WDR33: variants seen among roughly 807,000 people sequenced by gnomAD.
The protein encoded by WDR33 is pre-mRNA 3' end processing protein WDR33.
A neutral mutation model predicts 164.9 loss-of-function variants in WDR33; 47 were observed. That is an observed-to-expected ratio of 0.29 (90% CI 0.23 to 0.36). WDR33 has a LOEUF of 0.36. WDR33 is among the 10% of genes least tolerant of loss of function. The probability of loss-of-function intolerance (pLI) is 1.00; values close to 1 mark genes in which losing one functional copy is unlikely to be tolerated. For missense variants in WDR33, 1,137 were observed against 1,754.1 expected (o/e 0.65, Z 6.28); for synonymous variants, 505 against 589.0 (o/e 0.86, Z 2.06).
chr2:127,801,833 G>A (rs1184966815), intron 1 of WDR33, among the ~76,000 whole-genome samples: 2 of 151,876 alleles, frequency 1.3e-5, no homozygotes, highest in African/African-American at 2.4e-5. Flanking sequence ...GCAGTGAGCC[G>A]AGATCGTGCC....
In WDR33 at chr2:127,709,875, A is replaced by C; in HGVS notation, c.3309-19T>G. The C allele has an allele frequency of 6.2e-7, 1 of 1,612,292 alleles. No homozygotes were observed. Among genetic ancestry groups the C allele is most frequent in the Non-Finnish European group, 8.5e-7 (1 of 1,179,288 alleles). ...TCTGAAACTGTAAAGAGAAAACAGCAGAATGTCCATCTCAGAGAACACCTT... is the reference window on the plus strand; with the variant it reads ...TCTGAAACTGTAAAGAGAAAACAGCCGAATGTCCATCTCAGAGAACACCTT... On this transcript the variant is annotated intron_variant, in intron 18 of 21. Coordinates refer to ENST00000322313, the MANE Select transcript of WDR33 (RefSeq NM_018383.5). This position sits in a 1 kb window ranked among gnomAD's most constrained non-coding sequence, Gnocchi z 5.0.
At chr2:127,771,464 C>A (rs568731240) in intron 1 of WDR33, among the ~76,000 whole-genome samples, 21 of 152,140 alleles carry the variant, frequency 1.4e-4, no homozygotes, top group Non-Finnish European at 2.2e-4. Context: ...CCAGCATTGA[C>A]CACAATGTCA....
rs369262318 is a variant in WDR33 at position 127,765,148 on chromosome 2, T to G, written c.474+26A>C. On this transcript the variant is annotated intron_variant, in intron 5 of 21. Coordinates refer to ENST00000322313, the MANE Select transcript of WDR33 (RefSeq NM_018383.5). ...AGTTCTTTACAGTACCACAGGATGA[T>G]GATACCATCTGGTGATTATCATTAC... The G allele has an allele frequency of 1.5e-4, 238 of 1,600,648 alleles. 1 individual carries two copies. In the African/African-American group the frequency reaches 2.7e-3, roughly 18 times the overall value.
chr2:127,771,379 A>G (rs1317462859), intron 1 of WDR33, among the ~76,000 whole-genome samples: 1 of 152,252 alleles, frequency 6.6e-6, no homozygotes, highest in African/African-American at 2.4e-5. Context: ...GTCTAAACAT[A>G]GAAAAAGACA....
At position 127,702,735 on chromosome 2, in the gene WDR33, C is replaced by A. The variant is rs933816608; in HGVS notation, c.*3588G>T. 1 of 167,136 alleles carries A rather than the reference C, an allele frequency of 6.0e-6. No homozygotes were observed. The highest frequency in any genetic ancestry group is 2.4e-5 in the African/African-American group (1 of 41,536). The allele number at this position is 167,136 out of a possible 1,614,324, so 10.4% of individuals were successfully genotyped here. On this transcript the variant is annotated 3_prime_UTR_variant, in exon 22 of 22. Transcript: ENST00000322313. ...GATGGTTTATCTCGGGTTTTTTCTTCAGTTAACAAAATCATAAATATGGTG... is the reference window on the plus strand; with the variant it reads ...GATGGTTTATCTCGGGTTTTTTCTTAAGTTAACAAAATCATAAATATGGTG...
rs912999633 is a variant in WDR33 at position 127,779,407 on chromosome 2, A to G, written c.-23-8403T>C. On this transcript the variant is annotated intron_variant, in intron 1 of 21. Coordinates refer to ENST00000322313, the MANE Select transcript of WDR33 (RefSeq NM_018383.5). The stretch of plus-strand genomic sequence containing the variant: ...CTTGAAACTCAGAGGCAGAGGTTGC[A>G]GGGAGCCAAGATCACGACACTGCAC... Among the ~76,000 whole-genome samples the G allele has an allele frequency of 2.0e-4, 31 of 152,136 alleles. 1 individual carries two copies. The highest frequency in any genetic ancestry group is 3.9e-4 in the Admixed American group (6 of 15,260).
rs1685880751 is a variant in WDR33 at position 127,701,599 on chromosome 2, A to AGCCGCTGCTC, written c.*4714_*4723dup. 5 of 1,351,304 alleles carry AGCCGCTGCTC rather than the reference A, an allele frequency of 3.7e-6. No individual in the cohort carries two copies. The highest frequency in any genetic ancestry group is 3.5e-5 in the Admixed American group (1 of 28,646). 83.7% of individuals were successfully genotyped at this position (1,351,304 alleles called of 1,614,324 possible). ...AAAGCTGGCGGCCCGGCGGCCGCGG[A>AGCCGCTGCTC]GCCGCTGCTCGCCGCGGAGAAGGCG... On this transcript the variant is annotated 3_prime_UTR_variant, in exon 22 of 22. Coordinates refer to ENST00000322313, the MANE Select transcript of WDR33 (RefSeq NM_018383.5).
In WDR33 at chr2:127,702,240, C is replaced by A; in HGVS notation, c.*4083G>T. 8.5e-7 allele frequency: 1 copy of A among 1,181,890 alleles called. No individual in the cohort carries two copies. The highest frequency in any genetic ancestry group is 1.6e-5 in the African/African-American group (1 of 62,248). 73.2% of individuals were successfully genotyped at this position (1,181,890 alleles called of 1,614,324 possible). On this transcript the variant is annotated 3_prime_UTR_variant, in exon 22 of 22. Transcript: ENST00000322313. The stretch of plus-strand genomic sequence containing the variant: ...CAGCGCCGTCGGAGACCGCGCCGGC[C>A]GAGCTGAGGACTGCACGCCGCTGTG...
chr2:127,759,810 G>A (rs891838757), intron 7 of WDR33, among the ~76,000 whole-genome samples: 6 of 152,170 alleles, frequency 3.9e-5, no homozygotes, highest in Non-Finnish European at 8.8e-5. Flanking sequence ...GGAGGCCGAG[G>A]CAGGAGGATC....
At position 127,710,542 on chromosome 2, in the gene WDR33, C is replaced by T. The variant is rs1430822133; in HGVS notation, c.3309-686G>A. 1.3e-5 allele frequency among the ~76,000 whole-genome samples: 2 copies of T among 152,202 alleles called. No individual in the cohort carries two copies. Among genetic ancestry groups the T allele is most frequent in the African/African-American group, 2.4e-5 (1 of 41,438 alleles). ...CAGCATCTGGTTTACAGGCAGCGAT[C>T]CACTGGCTAGCTGGCAGTCTGGAGC... On this transcript the variant is annotated intron_variant, in intron 18 of 21. Coordinates refer to ENST00000322313, the MANE Select transcript of WDR33 (RefSeq NM_018383.5). This position sits in a 1 kb window ranked among gnomAD's most constrained non-coding sequence, Gnocchi z 4.4.
intron 1 of WDR33, among the ~76,000 whole-genome samples, chr2:127,794,642 G>A (rs1298691160): frequency 2.0e-5 from 3 of 151,570 alleles, no homozygotes; most frequent in Admixed American, 6.6e-5. Context: ...AGACCAACCC[G>A]GCCAATATGG....
intron 1 of WDR33, among the ~76,000 whole-genome samples, chr2:127,788,214 C>T (rs1688675262): frequency 7.6e-6 from 1 of 132,158 alleles, no homozygotes. Flanking sequence ...CCCCACCTCC[C>T]TCCCGGACAG....
At chr2:127,796,967 T>C (rs1689062684) in intron 1 of WDR33, among the ~76,000 whole-genome samples, 2 of 152,032 alleles carry the variant, frequency 1.3e-5, no homozygotes, top group South Asian at 4.1e-4. Context: ...ATTGCGAATT[T>C]ACCTACTTGC....
rs1363368452 is a variant in WDR33, at chr2:127,701,752, AGCGGCTGGCGGCGGGCG to A, written c.*4554_*4570del. On this transcript the variant is annotated 3_prime_UTR_variant, in exon 22 of 22. Transcript: ENST00000322313. ...TGCCTCCCGAGCGTGACGCGCGGGCAGCGGCTGGCGGCGGGCGGCGGGTGCCTGCTGCTGGCTGCACT... is the reference window on the plus strand; with the variant it reads ...TGCCTCCCGAGCGTGACGCGCGGGCAGCGGGTGCCTGCTGCTGGCTGCACT... 10 of 1,418,448 alleles carry A rather than the reference AGCGGCTGGCGGCGGGCG, an allele frequency of 7.0e-6. No homozygotes were observed. The East Asian group carries it at 2.9e-4, about 41-fold the overall frequency. The allele number at this position is 1,418,448 out of a possible 1,614,324, so 87.9% of individuals were successfully genotyped here. A position where few individuals can be genotyped will look rare whatever the true frequency, so the allele number is the denominator to read the frequency against.
chr2:127,742,879 A>C (rs1687060041), intron 7 of WDR33, among the ~76,000 whole-genome samples: 1 of 151,790 alleles, frequency 6.6e-6, no homozygotes, highest in Non-Finnish European at 1.5e-5. Flanking sequence ...AAAAACAAAA[A>C]AAAACACCCC....
rs1685911687 is a variant in WDR33, at chr2:127,702,273, C to T, written c.*4050G>A. On this transcript the variant is annotated 3_prime_UTR_variant, in exon 22 of 22. Transcript: ENST00000322313. ...GGACTGCACGCCGCTGTGCGGAAGC[C>T]CGTGGCGAAGGCCCTGCCCTAACAG... 1.8e-6 allele frequency: 2 copies of T among 1,120,870 alleles called. No individual in the cohort carries two copies. The highest frequency in any genetic ancestry group is 4.8e-5 in the Admixed American group (1 of 20,694). 69.4% of individuals were successfully genotyped at this position (1,120,870 alleles called of 1,614,324 possible). A position where few individuals can be genotyped will look rare whatever the true frequency, so the allele number is the denominator to read the frequency against.
intron 1 of WDR33, among the ~76,000 whole-genome samples, chr2:127,790,525 AG>A (rs1431432706): frequency 6.6e-6 from 1 of 152,240 alleles, no homozygotes; most frequent in Non-Finnish European, 1.5e-5. Context: ...AATATTTGGT[AG>A]AAGTGGCCAG....
chr2:127,810,383 C>T (rs533200906), intron 1 of WDR33, among the ~76,000 whole-genome samples: 4 of 152,314 alleles, frequency 2.6e-5, no homozygotes, highest in African/African-American at 9.6e-5. Context: ...AGGGTTACAA[C>T]CAAGTACAAA....
intron 7 of WDR33, among the ~76,000 whole-genome samples, chr2:127,739,155 CT>C (rs1686945223): frequency 6.6e-6 from 1 of 152,100 alleles, no homozygotes. Flanking sequence ...CTGCCATGTT[CT>C]TTTTCTTTAT....
Sources: gnomAD v4.1 joint callset for allele counts (sites outside exome capture counted in the v4.1 genomes callset) on GRCh38, gnomAD v4.1.1 for gene constraint, Gnocchi (gnomAD v3.1) non-coding constraint, MANE v1.5 for transcripts, NCBI Gene and HGNC (gene_info 2026-07-23, HGNC 2026-07-21) for gene names.